The following LRRC72 variants were observed in gnomAD, a reference collection of about 807,000 sequenced individuals.
The protein encoded by LRRC72 is leucine rich repeat containing 72.
Under a neutral mutation model 35.8 loss-of-function variants are expected in LRRC72, and 41 were observed. The ratio of observed to expected loss-of-function variants is 1.15; its 90% confidence interval spans 0.89 to 1.49. LRRC72 has a LOEUF of 1.49. LRRC72 is among the 40% of genes most tolerant of loss of function. LRRC72 has a pLI of 0.00. For missense variants in LRRC72, 389 were observed against 330.7 expected (o/e 1.18, Z -1.37); for synonymous variants, 118 against 119.2 (o/e 0.99, Z 0.07).
intron 3 of LRRC72, among the ~76,000 whole-genome samples, chr7:16,548,104 G>C (rs779508119): frequency 1.3e-4 from 20 of 152,252 alleles, no homozygotes; most frequent in Non-Finnish European, 1.8e-4. Flanking sequence ...GCTGCAGAGA[G>C]GAGCTATCTT....
intron 8 of LRRC72, among the ~76,000 whole-genome samples, chr7:16,580,642 T>A (rs1364952135): frequency 6.6e-6 from 1 of 152,106 alleles, no homozygotes; most frequent in Non-Finnish European, 1.5e-5. Context: ...AGACTCTGTT[T>A]CAAAAAATAA....
intron 5 of LRRC72, among the ~76,000 whole-genome samples, chr7:16,562,209 C>A (rs1782755032): frequency 6.6e-6 from 1 of 152,130 alleles, no homozygotes. Context: ...TCTAGGCAGT[C>A]TACCTTTCCA....
intron 3 of LRRC72, among the ~76,000 whole-genome samples, chr7:16,549,408 G>A (rs1782509297): frequency 6.6e-6 from 1 of 152,136 alleles, no homozygotes; most frequent in Admixed American, 6.5e-5. Context: ...AGGGAGCCAT[G>A]GTCAAAACCA....
intron 2 of LRRC72, among the ~76,000 whole-genome samples, chr7:16,537,317 C>G (rs1403757886): frequency 6.6e-6 from 1 of 152,224 alleles, no homozygotes; most frequent in East Asian, 1.9e-4. Flanking sequence ...TTTCCTTTGT[C>G]CTCTCCCCAG....
chr7:16,558,728 A>T (rs995331842), intron 4 of LRRC72, among the ~76,000 whole-genome samples, 161 bp from the exon 5 acceptor site: 7 of 151,956 alleles, frequency 4.6e-5, no homozygotes, highest in African/African-American at 2.4e-5. Context: ...AATAATTTAT[A>T]ATATATTATT....
At position 16,532,517 on chromosome 7, in the gene LRRC72, T is replaced by A; in HGVS notation, c.113T>A (p.Ile38Lys). The A allele has an allele frequency of 6.5e-7, 1 of 1,550,130 alleles. No homozygotes were observed. The highest frequency in any genetic ancestry group is 8.7e-7 in the Non-Finnish European group (1 of 1,146,488). The change falls in exon 2 of 9, where the codon ATA (isoleucine) becomes AAA (lysine). Residue 38 changes from isoleucine to lysine, a missense_variant. Physicochemically the swap from Ile to Lys is moderately radical, Grantham distance 102 (BLOSUM62 -3). Transcript: ENST00000401542. The stretch of plus-strand genomic sequence containing the variant: ...CAGGCAGTTGAAGATCAGCTAAAGA[T>A]ATGTGGCCACAGGAGGGATGCTGAT... ...SRRAVEDQLK[I>K]CGHRRDADVF...
intron 3 of LRRC72, among the ~76,000 whole-genome samples, chr7:16,550,535 AT>A (rs1433760075): frequency 1.3e-5 from 2 of 152,234 alleles, no homozygotes; most frequent in African/African-American, 2.4e-5. Context: ...AATTGAAAGA[AT>A]TGGCTAATTC....
chr7:16,562,388 A>G (rs1388847604), intron 5 of LRRC72, among the ~76,000 whole-genome samples: 4 of 152,228 alleles, frequency 2.6e-5, no homozygotes, highest in African/African-American at 9.6e-5. Context: ...AAGCCGCAGC[A>G]ACAAAATGCT....
intron 7 of LRRC72, among the ~76,000 whole-genome samples, chr7:16,577,054 C>G (rs184223274): frequency 2.0e-5 from 3 of 152,302 alleles, no homozygotes; most frequent in Admixed American, 1.3e-4. Flanking sequence ...GAAGACATTT[C>G]TGACTTTGGG....
Position 16,554,620 on chromosome 7 carries a change from T to C in LRRC72, c.235-2740T>C, listed in dbSNP as rs113847639. ...CGGCCATTTTCTTTCTAAAATCTAA[T>C]TGGGCAATAACATTCTTCTAAACAA... On this transcript the variant is annotated intron_variant, in intron 3 of 8. Transcript: ENST00000401542. 2.8e-3 allele frequency among the ~76,000 whole-genome samples: 433 copies of C among 152,256 alleles called. 3 individuals are homozygous for C. The highest frequency in any genetic ancestry group is 8.8e-3 in the African/African-American group (365 of 41,558).
chr7:16,552,540 C>T (rs751686531), intron 3 of LRRC72, among the ~76,000 whole-genome samples: 7 of 152,078 alleles, frequency 4.6e-5, no homozygotes, highest in African/African-American at 7.2e-5. Flanking sequence ...TGCTTAGTGC[C>T]GGTGTTGGAT....
chr7:16,579,845 T>C (rs2128339602), intron 7 of LRRC72, among the ~76,000 whole-genome samples: 1 of 152,254 alleles, frequency 6.6e-6, no homozygotes, highest in Middle Eastern at 3.4e-3. Context: ...TGTATTGTAT[T>C]AAAAAAATTT....
chr7:16,557,368 A>C lies in LRRC72; in HGVS notation c.243A>C (p.Gly81=), dbSNP rs1053452216. The C allele has an allele frequency of 7.7e-7, 1 of 1,293,328 alleles. No homozygotes were observed. The highest frequency in any genetic ancestry group is 3.0e-5 in the Admixed American group (1 of 32,900). 80.1% of individuals were successfully genotyped at this position (1,293,328 alleles called of 1,614,324 possible). A position where few individuals can be genotyped will look rare whatever the true frequency, so the allele number is the denominator to read the frequency against. ...YLWLHHNKLH[G]ITFLTRNYCL... is the part of the protein sequence containing the mutation. ...CTAACTCTCATTTTTAGCTCCATGG[A>C]ATAACATTTCTAACTAGAAACTATT... is the stretch of plus-strand genomic sequence containing the variant. Residue 81 remains glycine (G), a synonymous_variant, in exon 4 of 9, where the codon GGA becomes GGC. Transcript: ENST00000401542.
At chr7:16,552,542 G>C (rs1243814428) in intron 3 of LRRC72, among the ~76,000 whole-genome samples, 1 of 152,162 alleles carries the variant, frequency 6.6e-6, no homozygotes, top group African/African-American at 2.4e-5. Flanking sequence ...CTTAGTGCCG[G>C]TGTTGGATCT....
chr7:16,560,342 T>C (rs944620411), intron 5 of LRRC72, among the ~76,000 whole-genome samples: 1 of 152,216 alleles, frequency 6.6e-6, no homozygotes, highest in Non-Finnish European at 1.5e-5. Flanking sequence ...GTTAGTGTTA[T>C]CAGTTATATC....
chr7:16,557,357 T>G lies in LRRC72; in HGVS notation c.235-3T>G. The G allele has an allele frequency of 8.2e-7, 1 of 1,225,416 alleles. No individual in the cohort carries two copies. The highest frequency in any genetic ancestry group is 1.6e-5 in the African/African-American group (1 of 63,720). The allele number at this position is 1,225,416 out of a possible 1,614,324, so 75.9% of individuals were successfully genotyped here. ...TATATTGTTCTCTAACTCTCATTTTTAGCTCCATGGAATAACATTTCTAAC... is the reference window on the plus strand; with the variant it reads ...TATATTGTTCTCTAACTCTCATTTTGAGCTCCATGGAATAACATTTCTAAC... On this transcript the variant is annotated splice_region_variant and splice_polypyrimidine_tract_variant and intron_variant, in intron 3 of 8. Coordinates refer to ENST00000401542, the MANE Select transcript of LRRC72 (RefSeq NM_001195280.2).
At chr7:16,559,680 G>A (rs1284093556) in intron 5 of LRRC72, among the ~76,000 whole-genome samples, 1 of 152,076 alleles carries the variant, frequency 6.6e-6, no homozygotes, top group Non-Finnish European at 1.5e-5. Flanking sequence ...TTAAATAGAT[G>A]AGTGTTGCCA....
intron 2 of LRRC72, among the ~76,000 whole-genome samples, chr7:16,533,733 G>C (rs1451777303): frequency 6.6e-6 from 1 of 151,942 alleles, no homozygotes; most frequent in Non-Finnish European, 1.5e-5. Context: ...GAATCTCTTG[G>C]TAGTAAAGGA....
intron 3 of LRRC72, among the ~76,000 whole-genome samples, chr7:16,556,981 A>G (rs1782659965): frequency 6.6e-6 from 1 of 152,216 alleles, no homozygotes; most frequent in Admixed American, 6.5e-5. Flanking sequence ...CCCTTGGCAC[A>G]TGATAATATT....
Sources: allele counts gnomAD v4.1 joint callset (sites outside exome capture counted in the v4.1 genomes callset), GRCh38; gene constraint gnomAD v4.1.1; transcripts MANE v1.5; gene names NCBI Gene and HGNC (gene_info 2026-07-23, HGNC 2026-07-21).